The following SEPTIN7 variants were observed in gnomAD, a reference collection of about 807,000 sequenced individuals.
SEPTIN7 encodes septin 7.
SEPTIN7 carries 10 observed loss-of-function variants against 63.3 expected under a neutral mutation model. That is an observed-to-expected ratio of 0.16 (90% CI 0.10 to 0.27). The LOEUF (loss-of-function observed/expected upper bound fraction) is 0.27. SEPTIN7 is among the 10% of genes least tolerant of loss of function. SEPTIN7 has a pLI of 1.00. For synonymous variants in SEPTIN7, 131 were observed against 165.3 expected, an observed-to-expected ratio of 0.79 and a Z score of 1.59; for missense variants, 310 against 521.0, an observed-to-expected ratio of 0.59 and a Z score of 3.94.
intron 1 of SEPTIN7, among the ~76,000 whole-genome samples, chr7:35,816,907 AGTT>A (rs1217015570): frequency 6.6e-6 from 1 of 152,060 alleles, no homozygotes; most frequent in Admixed American, 6.5e-5. Context: ...TTTTTAATGA[AGTT>A]GTCTTACTAC....
intron 9 of SEPTIN7, among the ~76,000 whole-genome samples, 174 bp from the exon 10 acceptor site, chr7:35,885,654 C>G (rs956947960): frequency 6.6e-6 from 1 of 152,118 alleles, no homozygotes; most frequent in Non-Finnish European, 1.5e-5. Context: ...ATAGAGTACA[C>G]TTCTCTGTCA....
intron 4 of SEPTIN7, among the ~76,000 whole-genome samples, chr7:35,869,942 C>G (rs1786044316): frequency 6.6e-6 from 1 of 152,156 alleles, no homozygotes; most frequent in Non-Finnish European, 1.5e-5. Context: ...TTGATGTGAC[C>G]TGCTTAAGGA....
intron 10 of SEPTIN7, among the ~76,000 whole-genome samples, chr7:35,889,358 G>GA: frequency 6.6e-6 from 1 of 152,222 alleles, no homozygotes; most frequent in Non-Finnish European, 1.5e-5. Flanking sequence ...GAGATTTTTG[G>GA]AAAAACCAGA....
At chr7:35,803,856 G>A (rs1788159436) in intron 1 of SEPTIN7, among the ~76,000 whole-genome samples, 1 of 152,206 alleles carries the variant, frequency 6.6e-6, no homozygotes, top group Non-Finnish European at 1.5e-5. Context: ...CGCTATATGA[G>A]AGCATACTGT....
chr7:35,871,906 G>T (rs1269465835), intron 4 of SEPTIN7, among the ~76,000 whole-genome samples: 2 of 152,178 alleles, frequency 1.3e-5, no homozygotes, highest in Non-Finnish European at 2.9e-5. Context: ...CAGGATGAAT[G>T]ATAATACATC....
chr7:35,803,192 C>T (rs1788111001), intron 1 of SEPTIN7: 1 of 914,180 alleles, frequency 1.1e-6, no homozygotes, highest in Non-Finnish European at 1.3e-6. Flanking sequence ...TTGATGCATA[C>T]ATAATACATG....
intron 10 of SEPTIN7, among the ~76,000 whole-genome samples, chr7:35,886,539 G>A (rs1055301106): frequency 1.3e-5 from 2 of 152,166 alleles, no homozygotes; most frequent in Non-Finnish European, 2.9e-5. Context: ...GGAACAGAAA[G>A]GGCATCAAAA....
chr7:35,895,741 C>A (rs1398932477), intron 11 of SEPTIN7, among the ~76,000 whole-genome samples: 1 of 151,970 alleles, frequency 6.6e-6, no homozygotes, highest in African/African-American at 2.4e-5. Context: ...AATTTTTTTT[C>A]CTTTAGGTAT....
chr7:35,878,557 G>A (rs1786621495), intron 6 of SEPTIN7, among the ~76,000 whole-genome samples: 1 of 152,168 alleles, frequency 6.6e-6, no homozygotes, highest in South Asian at 2.1e-4. Flanking sequence ...AGACCACTCT[G>A]ACTTCAGTAT....
At chr7:35,847,382 G>T in intron 3 of SEPTIN7, 1 of 166,020 alleles carries the variant, frequency 6.0e-6, no homozygotes, top group East Asian at 1.6e-4. Flanking sequence ...CAGGGCCCCC[G>T]GGTAACTGGA....
intron 11 of SEPTIN7, among the ~76,000 whole-genome samples, chr7:35,891,922 T>C (rs1346310722): frequency 2.6e-5 from 4 of 152,200 alleles, no homozygotes; most frequent in Non-Finnish European, 5.9e-5. Context: ...GTTCTTTCTT[T>C]TTTCATTTAT....
chr7:35,802,853 T>C (rs1338080475), intron 1 of SEPTIN7, among the ~76,000 whole-genome samples: 1 of 152,188 alleles, frequency 6.6e-6, no homozygotes, highest in Non-Finnish European at 1.5e-5. Context: ...GTAAACAATC[T>C]TTCATCTCAT....
chr7:35,887,175 T>C (rs1195112807), intron 10 of SEPTIN7, among the ~76,000 whole-genome samples: 1 of 152,250 alleles, frequency 6.6e-6, no homozygotes, highest in African/African-American at 2.4e-5. Context: ...AAGTAGAGAA[T>C]GTTTAATAAA....
At chr7:35,912,653 A>G in the SEPTIN7 span, among the ~76,000 whole-genome samples, 1 of 152,192 alleles carries the variant, frequency 6.6e-6, no homozygotes. Context: ...GAAAGCAGGT[A>G]CAGCGGACCT....
rs1214718083 is a variant in SEPTIN7 at position 35,801,183 on chromosome 7, G to A, written c.-27G>A. ...GAGAATCGGCGGGCTGCGCTCCGCTGGGGCTGGTCGCGGAGGGGGGGAGGG... is the reference window on the plus strand; with the variant it reads ...GAGAATCGGCGGGCTGCGCTCCGCTAGGGCTGGTCGCGGAGGGGGGGAGGG... On this transcript the variant is annotated 5_prime_UTR_variant, in exon 1 of 14. Coordinates refer to ENST00000350320, the MANE Select transcript of SEPTIN7 (RefSeq NM_001788.6). 2.0e-6 allele frequency: 3 copies of A among 1,486,358 alleles called. No individual in the cohort carries two copies. Among genetic ancestry groups the A allele is most frequent in the Admixed American group, 4.8e-5 (2 of 42,068 alleles). The allele number at this position is 1,486,358 out of a possible 1,614,324, so 92.1% of individuals were successfully genotyped here. A position where few individuals can be genotyped will look rare whatever the true frequency, so the allele number is the denominator to read the frequency against.
At chr7:35,846,042 G>A (rs933948752) in intron 3 of SEPTIN7, among the ~76,000 whole-genome samples, 3 of 151,684 alleles carry the variant, frequency 2.0e-5, no homozygotes, top group Non-Finnish European at 4.4e-5. Flanking sequence ...GTTACAAAAT[G>A]GTTTTTGATT....
At chr7:35,810,162 G>A (rs1788598724) in intron 1 of SEPTIN7, among the ~76,000 whole-genome samples, 1 of 152,134 alleles carries the variant, frequency 6.6e-6, no homozygotes, top group African/African-American at 2.4e-5. Context: ...AACATTTTCT[G>A]ATAATTGTAA....
intron 4 of SEPTIN7, among the ~76,000 whole-genome samples, chr7:35,868,233 A>G (rs1288009761): frequency 6.6e-6 from 1 of 152,158 alleles, no homozygotes; most frequent in African/African-American, 2.4e-5. Flanking sequence ...TGAAAGTGAG[A>G]AAAGGTGAAA....
chr7:35,841,461 A>G (rs1784405036), intron 3 of SEPTIN7, among the ~76,000 whole-genome samples: 1 of 152,202 alleles, frequency 6.6e-6, no homozygotes, highest in African/African-American at 2.4e-5. Flanking sequence ...CCAGTGTCGA[A>G]AAACACAGCT....
Sources: gnomAD v4.1 joint callset for allele counts (sites outside exome capture counted in the v4.1 genomes callset) on GRCh38, gnomAD v4.1.1 for gene constraint, MANE v1.5 for transcripts, NCBI Gene and HGNC (gene_info 2026-07-23, HGNC 2026-07-21) for gene names.